Variants in TMEM63B observed in about 807,000 individuals in gnomAD.
The protein encoded by TMEM63B is mechanosensitive cation channel TMEM63B.
A neutral mutation model predicts 102.6 loss-of-function variants in TMEM63B; 23 were observed. That is an observed-to-expected ratio of 0.22 (90% CI 0.16 to 0.32). The LOEUF (loss-of-function observed/expected upper bound fraction) is 0.32, where lower values mean the gene tolerates loss of function less well. TMEM63B is among the 10% of genes least tolerant of loss of function. The probability of loss-of-function intolerance (pLI) is 1.00; values close to 1 mark genes in which losing one functional copy is unlikely to be tolerated. For missense variants in TMEM63B, 628 were observed against 1,095.9 expected (o/e 0.57, Z 6.03); for synonymous variants, 444 against 437.0 (o/e 1.02, Z -0.20).
chr6:44,146,462 T>TTTTATTTTTTTTATTTTTTATTTTTTA (rs1765402277), intron 10 of TMEM63B, among the ~76,000 whole-genome samples: 1 of 151,626 alleles, frequency 6.6e-6, no homozygotes, highest in South Asian at 2.1e-4. Flanking sequence ...TTTTTGTCTT[T>TTTTATTTTTTTTATTTTTTATTTTTTA]TTTTTTGAGA....
chr6:44,139,831 GA>G, intron 8 of TMEM63B, 72 bp downstream of exon 8: 1 of 1,592,844 alleles, frequency 6.3e-7, no homozygotes, highest in Non-Finnish European at 8.6e-7. Context: ...GGACAGGGAG[GA>G]AAGGCAGCTG....
In TMEM63B at chr6:44,143,017, A is replaced by G. The variant is rs116445745; in HGVS notation, c.782+1919A>G. Among the ~76,000 whole-genome samples, 1,071 of 152,324 alleles carry G rather than the reference A, an allele frequency of 7.0e-3. 11 individuals are homozygous for G. Among genetic ancestry groups the G allele is most frequent in the African/African-American group, 0.025 (1,030 of 41,566 alleles). ...GGGCAAGACCCTGTCTCAAAAAAGA[A>G]AGAAAGTAAAGAATCAAGGTTTAAT... On this transcript the variant is annotated intron_variant, in intron 10 of 23. Transcript: ENST00000323267.
Position 44,138,509 on chromosome 6 carries a change from C to G in TMEM63B, c.399C>G (p.Phe133Leu). ...NGFCSWLTAI[F>L]RIKDDEIRDK... The stretch of plus-strand genomic sequence containing the variant: ...TCTGTTCCTGGCTGACAGCCATCTT[C>G]AGGATAAAGTAAGTGGACCATCTTC... Residue 133 changes from phenylalanine to leucine, a missense_variant, in exon 6 of 24, where the codon TTC becomes TTG. Physicochemically the swap from Phe to Leu is conservative, Grantham distance 22. This residue lies in a region of TMEM63B where 336 missense variants were observed against 580.3 expected (regional missense o/e 0.58). Transcript: ENST00000323267. The G allele has an allele frequency of 6.2e-7, 1 of 1,614,056 alleles. No homozygotes were observed. The highest frequency in any genetic ancestry group is 8.5e-7 in the Non-Finnish European group (1 of 1,180,014).
At position 44,150,441 on chromosome 6, in the gene TMEM63B, C is replaced by T. The variant is rs1222614024; in HGVS notation, c.1608-123C>T. 1 of 1,447,974 alleles carries T rather than the reference C, an allele frequency of 6.9e-7. No homozygotes were observed. Among genetic ancestry groups the T allele is most frequent in the Non-Finnish European group, 9.7e-7 (1 of 1,034,540 alleles). The allele number at this position is 1,447,974 out of a possible 1,614,324, so 89.7% of individuals were successfully genotyped here. A position where few individuals can be genotyped will look rare whatever the true frequency, so the allele number is the denominator to read the frequency against. ...ATGGGAAGCCTGGCCACCCCCAGGC[C>T]TCCTGAGCTACCCACCCCATGTCTG... On this transcript the variant is annotated intron_variant, in intron 17 of 23. Transcript: ENST00000323267. The surrounding 1 kb of genome is among the most constrained non-coding windows in gnomAD (Gnocchi z 4.7).
At chr6:44,154,552 C>T (rs530076744) in intron 23 of TMEM63B, 107 bp downstream of exon 23, 65 of 1,504,088 alleles carry the variant, frequency 4.3e-5, no homozygotes, top group South Asian at 1.1e-4. Flanking sequence ...CCCATGGGGG[C>T]GGGAAGAGAG....
rs77370584 is a variant in TMEM63B, at chr6:44,138,736, G to GCCCCCCCCC, written c.407+226_407+227insCCCCCCCCC. On this transcript the variant is annotated intron_variant, in intron 6 of 23. Coordinates refer to ENST00000323267, the MANE Select transcript of TMEM63B (RefSeq NM_018426.3). ...TAATCTCCTCTGTGACCCCCTGCCG[G>GCCCCCCCCC]CCCCCCCGCTTCTCTCCCTGCCCTG... 432 of 287,862 alleles carry GCCCCCCCCC rather than the reference G, an allele frequency of 1.5e-3. 4 individuals are homozygous for GCCCCCCCCC. The highest frequency in any genetic ancestry group is 2.9e-3 in the South Asian group (83 of 28,780). 17.8% of individuals were successfully genotyped at this position (287,862 alleles called of 1,614,324 possible). A position where few individuals can be genotyped will look rare whatever the true frequency, so the allele number is the denominator to read the frequency against.
rs1268764502 is a variant in TMEM63B at position 44,134,555 on chromosome 6, G to C, written c.-24-6G>C. On this transcript the variant is annotated splice_region_variant and splice_polypyrimidine_tract_variant and intron_variant, in intron 1 of 23. Transcript: ENST00000323267. ...AGCCCAGCTGACTGCTCCACCCTCT[G>C]CCCAGGAGGACCATGCGGCAGTAGC... 2 of 1,610,816 alleles carry C rather than the reference G, an allele frequency of 1.2e-6. No individual in the cohort carries two copies. Among genetic ancestry groups the C allele is most frequent in the Non-Finnish European group, 1.7e-6 (2 of 1,178,050 alleles).
chr6:44,135,185 T>A (rs1467593335), intron 3 of TMEM63B, 89 bp downstream of exon 3: 6 of 1,577,156 alleles, frequency 3.8e-6, no homozygotes, highest in Non-Finnish European at 5.2e-6. Context: ...CCCTCTCTCA[T>A]TCCCCTTTGC....
chr6:44,136,171 GGAA>G (rs1467643828), intron 4 of TMEM63B, among the ~76,000 whole-genome samples, 175 bp from the exon 5 acceptor site: 1 of 152,196 alleles, frequency 6.6e-6, no homozygotes, highest in Non-Finnish European at 1.5e-5. Flanking sequence ...CCCCCTGAAA[GGAA>G]GAGGCATATT....
intron 20 of TMEM63B, among the ~76,000 whole-genome samples, chr6:44,153,447 A>T (rs1389208914): frequency 2.0e-5 from 3 of 152,214 alleles, no homozygotes; most frequent in Non-Finnish European, 2.9e-5. Context: ...AAATGACTAG[A>T]TTTCCAATAG....
intron 18 of TMEM63B, 43 bp from the exon 19 acceptor site, chr6:44,151,803 G>C (rs779394715): frequency 6.5e-7 from 1 of 1,538,420 alleles, no homozygotes; most frequent in Admixed American, 2.2e-5. Flanking sequence ...GCGGCCACCG[G>C]GTCACCCCAA....
At chr6:44,128,222 T>A (rs1777591221) in intron 1 of TMEM63B, among the ~76,000 whole-genome samples, 1 of 152,090 alleles carries the variant, frequency 6.6e-6, no homozygotes, top group Admixed American at 6.5e-5. Flanking sequence ...TCGCAGGTGC[T>A]GGCACGAGGC....
chr6:44,128,347 C>G (rs1055031957), intron 1 of TMEM63B, among the ~76,000 whole-genome samples: 2 of 152,214 alleles, frequency 1.3e-5, no homozygotes, highest in Admixed American at 6.5e-5. Flanking sequence ...CATGAGCCGC[C>G]CGGGCCTGCG....
chr6:44,144,266 C>G (rs992597937), intron 10 of TMEM63B, among the ~76,000 whole-genome samples: 2 of 152,150 alleles, frequency 1.3e-5, no homozygotes, highest in African/African-American at 4.8e-5. Context: ...GGCTTGTGGT[C>G]CAAGTCTGCA....
chr6:44,149,465 A>G (rs1050498042), intron 15 of TMEM63B, among the ~76,000 whole-genome samples: 1 of 152,220 alleles, frequency 6.6e-6, no homozygotes, highest in Non-Finnish European at 1.5e-5. Context: ...TGATAATACC[A>G]TAATAGATAA....
intron 6 of TMEM63B, chr6:44,138,969 A>C: frequency 4.1e-6 from 1 of 246,760 alleles, no homozygotes; most frequent in Non-Finnish European, 8.0e-6. Context: ...GGCCTCCCCC[A>C]AGGGTACCCG....
chr6:44,136,908 G>A (rs923034305), intron 5 of TMEM63B, among the ~76,000 whole-genome samples: 3 of 152,236 alleles, frequency 2.0e-5, no homozygotes, highest in African/African-American at 4.8e-5. Flanking sequence ...AGCCAGGCGT[G>A]GTGGTGGGCG....
In TMEM63B at chr6:44,140,371, C is replaced by T; in HGVS notation, c.711+11C>T. 1.2e-6 allele frequency: 2 copies of T among 1,607,562 alleles called. No homozygotes were observed. Among genetic ancestry groups the T allele is most frequent in the African/African-American group, 1.3e-5 (1 of 74,868 alleles). On this transcript the variant is annotated intron_variant, in intron 9 of 23. Coordinates refer to ENST00000323267, the MANE Select transcript of TMEM63B (RefSeq NM_018426.3). The stretch of plus-strand genomic sequence containing the variant: ...AAGGAGGATGATCTGGTGCGTGGAG[C>T]AGAGCCCAGGTCCTGCCCCATCCCC...
chr6:44,139,738 C>A lies in TMEM63B; in HGVS notation c.581C>A (p.Thr194Asn). The A allele has an allele frequency of 1.2e-6, 2 of 1,614,164 alleles. No individual in the cohort carries two copies. The highest frequency in any genetic ancestry group is 1.3e-5 in the African/African-American group (1 of 75,034). ...ENNAYSFGRT[T>N]IANLKSGNNL... is the part of the protein sequence containing the mutation. ...AATGCCTACAGCTTTGGGAGAACCA[C>A]CATTGCCAACTTGAAATCAGGGTAA... Residue 194 changes from threonine (T) to asparagine (N), a missense_variant, in exon 8 of 24, where the codon ACC becomes AAC. Thr to Asn is a moderately conservative substitution (Grantham distance 65). Transcript: ENST00000323267.
Sources: allele counts gnomAD v4.1 joint callset (sites outside exome capture counted in the v4.1 genomes callset), GRCh38; gene constraint gnomAD v4.1.1; regional missense constraint gnomAD v4.1.1; non-coding constraint Gnocchi (gnomAD v3.1); transcripts MANE v1.5; gene names NCBI Gene and HGNC (gene_info 2026-07-23, HGNC 2026-07-21).